MACROD2: variants seen among roughly 807,000 people sequenced by gnomAD.
MACROD2 encodes ADP-ribose glycohydrolase MACROD2.
A neutral mutation model predicts 70.4 loss-of-function variants in MACROD2; 36 were observed. That is an observed-to-expected ratio of 0.51 (90% CI 0.39 to 0.68). MACROD2 has a LOEUF of 0.68. Ranked by LOEUF, MACROD2 falls within the 30% of genes least tolerant of loss-of-function variation. The pLI is 0.00. For synonymous variants in MACROD2, 172 were observed against 178.8 expected (o/e 0.96, Z 0.30); for missense variants, 496 against 538.4 (o/e 0.92, Z 0.78).
Position 15,150,743 on chromosome 20 carries a change from T to C in MACROD2, c.419-79197T>C, listed in dbSNP as rs540101311. Among the ~76,000 whole-genome samples the C allele has an allele frequency of 2.5e-4, 38 of 151,988 alleles. No homozygotes were observed. In the South Asian group the frequency reaches 4.4e-3, roughly 17 times the overall value. The stretch of plus-strand genomic sequence containing the variant: ...TGGGAAGAAGGGCGGCAATGAGATG[T>C]GGCTGTAGTCCAGGAATAGTCAGGG... On this transcript the variant is annotated intron_variant, in intron 5 of 17. Transcript: ENST00000684519.
At chr20:15,931,688 C>T (rs959609832) in intron 10 of MACROD2, among the ~76,000 whole-genome samples, 5 of 152,068 alleles carry the variant, frequency 3.3e-5, no homozygotes, top group South Asian at 2.1e-4. Flanking sequence ...CCGTCACAAA[C>T]GGCACAGGGC....
At chr20:14,501,964 G>A (rs1246515512) in intron 4 of MACROD2, among the ~76,000 whole-genome samples, 1 of 152,130 alleles carries the variant, frequency 6.6e-6, no homozygotes, top group South Asian at 2.1e-4. Flanking sequence ...ATAGTATAAT[G>A]CTTGTGTAGC....
At chr20:14,302,894 C>T (rs1369222754) in intron 3 of MACROD2, among the ~76,000 whole-genome samples, 1 of 152,086 alleles carries the variant, frequency 6.6e-6, no homozygotes, top group African/African-American at 2.4e-5. Flanking sequence ...CCTCATGACC[C>T]ACCCGCCTCG....
chr20:15,875,640 A>G (rs2064657364), intron 9 of MACROD2, among the ~76,000 whole-genome samples: 1 of 151,886 alleles, frequency 6.6e-6, no homozygotes, highest in Non-Finnish European at 1.5e-5. Context: ...CATAGACAGA[A>G]AGCAATCTGT....
intron 3 of MACROD2, among the ~76,000 whole-genome samples, chr20:14,475,884 G>C (rs981915808): frequency 6.6e-6 from 1 of 151,722 alleles, no homozygotes; most frequent in Non-Finnish European, 1.5e-5. Context: ...AGAGTCTTGG[G>C]GTAGTGTTAT....
intron 4 of MACROD2, among the ~76,000 whole-genome samples, chr20:14,564,395 A>C (rs1979638787): frequency 1.3e-5 from 2 of 152,100 alleles, no homozygotes; most frequent in South Asian, 4.1e-4. Flanking sequence ...GAAATAATTA[A>C]CAGAGTAAAA....
At chr20:14,385,388 A>G (rs1188465311) in intron 3 of MACROD2, among the ~76,000 whole-genome samples, 1 of 152,028 alleles carries the variant, frequency 6.6e-6, no homozygotes, top group Non-Finnish European at 1.5e-5. Context: ...GTTGTGATTC[A>G]TAGTTTAAAA....
chr20:14,085,758 T>C (rs1601204342), intron 3 of MACROD2, 30 bp downstream of exon 3: 2 of 1,282,932 alleles, frequency 1.6e-6, no homozygotes, highest in East Asian at 2.6e-5. Flanking sequence ...GTGATGTGTT[T>C]GTTATGTAAG....
intron 8 of MACROD2, among the ~76,000 whole-genome samples, chr20:15,654,101 C>T (rs1009792856): frequency 9.2e-5 from 14 of 152,144 alleles, no homozygotes; most frequent in African/African-American, 3.4e-4. Flanking sequence ...CAGCAGGCTG[C>T]GCCGGCCCTA....
chr20:15,106,364 A>T (rs538119245), intron 5 of MACROD2, among the ~76,000 whole-genome samples: 38 of 152,114 alleles, frequency 2.5e-4, no homozygotes, highest in Middle Eastern at 3.4e-3. Context: ...TTAACAAGAA[A>T]ATTATTAGTT....
chr20:14,481,736 A>G (rs1387400342), intron 3 of MACROD2, among the ~76,000 whole-genome samples: 1 of 152,236 alleles, frequency 6.6e-6, no homozygotes, highest in Non-Finnish European at 1.5e-5. Flanking sequence ...TGGATTGAAT[A>G]GTTACTTACC....
At chr20:14,775,668 C>A (rs531659247) in intron 5 of MACROD2, among the ~76,000 whole-genome samples, 1 of 152,022 alleles carries the variant, frequency 6.6e-6, no homozygotes, top group African/African-American at 2.4e-5. Context: ...GGACAAACAT[C>A]CAAACTACAT....
Position 14,059,987 on chromosome 20 carries a change from G to A in MACROD2, c.164-25634G>A, listed in dbSNP as rs750071898. Among the ~76,000 whole-genome samples the A allele has an allele frequency of 1.3e-4, 20 of 152,132 alleles. 1 individual carries two copies. Among genetic ancestry groups the A allele is most frequent in the Non-Finnish European group, 2.6e-4 (18 of 68,012 alleles). The stretch of plus-strand genomic sequence containing the variant: ...TTAGGGTAGCGTTTTAGTTGGGTTG[G>A]AACAAAGAGGGTGAAGATGGGTTGA... On this transcript the variant is annotated intron_variant, in intron 2 of 17. Coordinates refer to ENST00000684519, the MANE Select transcript of MACROD2 (RefSeq NM_001351661.2).
rs1339976436 is a variant in MACROD2 at position 14,559,192 on chromosome 20, A to C, written c.301+65684A>C. On this transcript the variant is annotated intron_variant, in intron 4 of 17. Transcript: ENST00000684519. ...CCTGTTAGAAATATTTATCAAGTGA[A>C]GATATAATTGCCTGCTTTGTCTGTG... 9.9e-5 allele frequency among the ~76,000 whole-genome samples: 15 copies of C among 151,898 alleles called. No individual in the cohort carries two copies. The South Asian group carries it at 2.7e-3, about 27-fold the overall frequency.
At chr20:14,518,706 C>A (rs1442365491) in intron 4 of MACROD2, among the ~76,000 whole-genome samples, 1 of 151,856 alleles carries the variant, frequency 6.6e-6, no homozygotes, top group Non-Finnish European at 1.5e-5. Flanking sequence ...GAAAGAGTGG[C>A]ACCTTTATAT....
At chr20:15,136,363 C>G (rs1482804050) in intron 5 of MACROD2, among the ~76,000 whole-genome samples, 2 of 151,646 alleles carry the variant, frequency 1.3e-5, no homozygotes, top group Admixed American at 6.6e-5. Flanking sequence ...CCAAAACAGA[C>G]ATATAGATCA....
chr20:15,282,826 G>T (rs1316389832), intron 6 of MACROD2, among the ~76,000 whole-genome samples: 2 of 152,086 alleles, frequency 1.3e-5, no homozygotes, highest in Non-Finnish European at 1.5e-5. Context: ...TATTAGCAGT[G>T]CCCCACTCTC....
At chr20:15,324,397 C>A (rs187272894) in intron 6 of MACROD2, among the ~76,000 whole-genome samples, 143 of 152,256 alleles carry the variant, frequency 9.4e-4, no homozygotes, top group African/African-American at 3.2e-3. Context: ...TATACAACAC[C>A]CCAATTCAGT....
At chr20:14,646,151 AGCATTACTT>A (rs1013249696) in intron 4 of MACROD2, among the ~76,000 whole-genome samples, 4 of 151,916 alleles carry the variant, frequency 2.6e-5, no homozygotes, top group African/African-American at 9.7e-5. Flanking sequence ...GATCTTTTGC[AGCATTACTT>A]TCCCCTTGAT....
Sources: allele counts gnomAD v4.1 joint callset (sites outside exome capture counted in the v4.1 genomes callset), GRCh38; gene constraint gnomAD v4.1.1; transcripts MANE v1.5; gene names NCBI Gene and HGNC (gene_info 2026-07-23, HGNC 2026-07-21).